ADSS2: variants seen among roughly 807,000 people sequenced by gnomAD.
ADSS2 encodes the protein adenylosuccinate synthetase isozyme 2.
ADSS2 carries 30 observed loss-of-function variants against 60.0 expected under a neutral mutation model. The observed-to-expected ratio is 0.50, with a 90% CI of 0.37 to 0.68. The LOEUF (loss-of-function observed/expected upper bound fraction) is 0.68. Among genes scored for constraint, ADSS2 ranks in the 30% least tolerant of loss-of-function variants. ADSS2 has a pLI of 0.00. For synonymous variants in ADSS2, 187 were observed against 193.1 expected, an observed-to-expected ratio of 0.97 and a Z score of 0.26; for missense variants, 373 against 554.8, an observed-to-expected ratio of 0.67 and a Z score of 3.29.
At chr1:244,418,613 G>A (rs553241748) in intron 9 of ADSS2, 147 bp downstream of exon 9, 25 of 817,228 alleles carry the variant, frequency 3.1e-5, no homozygotes, top group African/African-American at 9.0e-5. Context: ...GGGCCACCAC[G>A]TCCAGCCAAA....
At chr1:244,426,818 C>CA (rs1664816522) in intron 4 of ADSS2, among the ~76,000 whole-genome samples, 1 of 152,070 alleles carries the variant, frequency 6.6e-6, no homozygotes, top group African/African-American at 2.4e-5. Context: ...TTGCCTAGCT[C>CA]CTTTCTCTGA....
chr1:244,445,193 C>T (rs1449352770), intron 1 of ADSS2, among the ~76,000 whole-genome samples: 1 of 152,216 alleles, frequency 6.6e-6, no homozygotes, highest in Non-Finnish European at 1.5e-5. Flanking sequence ...CCTGCTCTTC[C>T]TTTAAACAAA....
chr1:244,421,506 G>C (rs1048038753), intron 7 of ADSS2, among the ~76,000 whole-genome samples: 1 of 152,030 alleles, frequency 6.6e-6, no homozygotes, highest in Admixed American at 6.6e-5. Flanking sequence ...CACGTTCTTT[G>C]TTCCTTAAAA....
intron 10 of ADSS2, among the ~76,000 whole-genome samples, chr1:244,417,104 T>C (rs541512167): frequency 3.3e-5 from 5 of 152,346 alleles, no homozygotes; most frequent in Admixed American, 1.3e-4. Context: ...CAGTGTGCTA[T>C]AGGCTCTCAC....
At position 244,409,559 on chromosome 1, in the gene ADSS2, G is replaced by A. The variant is rs768237912; in HGVS notation, c.*27C>T. The A allele has an allele frequency of 1.3e-6, 2 of 1,563,822 alleles. No homozygotes were observed. Among genetic ancestry groups the A allele is most frequent in the South Asian group, 1.1e-5 (1 of 89,204 alleles). ...AAAGTCTTTTCCCCTCCCTCTCAAGGAGTGTTTCTTGCATTACTGGCAATC... is the reference window on the plus strand; with the variant it reads ...AAAGTCTTTTCCCCTCCCTCTCAAGAAGTGTTTCTTGCATTACTGGCAATC... On this transcript the variant is annotated 3_prime_UTR_variant, in exon 13 of 13. Coordinates refer to ENST00000366535, the MANE Select transcript of ADSS2 (RefSeq NM_001126.5).
intron 1 of ADSS2, 125 bp from the exon 2 acceptor site, chr1:244,437,893 CCTCTA>C (rs1204827657): frequency 7.0e-6 from 5 of 717,230 alleles, no homozygotes; most frequent in African/African-American, 5.3e-5. Context: ...ATATTTACCA[CCTCTA>C]CTCATTTGTA....
rs773878391 is a variant in ADSS2, at chr1:244,422,844, T to C, written c.654A>G (p.Gln218=). Residue 218 remains glutamine (Q), a synonymous_variant, in exon 7 of 13, where the codon CAA becomes CAG. Transcript: ENST00000366535. ...TLEIDIEGEL[Q]KLKGYMEKIK... is the part of the protein sequence containing the mutation. ...TGCCAGAAAGCATTACCTTGAGTTT[T>C]TGTAATTCACCTTCAATGTCTATTT... is the stretch of plus-strand genomic sequence containing the variant. 25 of 1,592,540 alleles carry C rather than the reference T, an allele frequency of 1.6e-5. No homozygotes were observed. Among genetic ancestry groups the C allele is most frequent in the Non-Finnish European group, 2.0e-5 (23 of 1,161,218 alleles).
At chr1:244,440,034 G>T (rs977306368) in intron 1 of ADSS2, among the ~76,000 whole-genome samples, 5 of 152,200 alleles carry the variant, frequency 3.3e-5, no homozygotes, top group Non-Finnish European at 7.3e-5. Flanking sequence ...TGGGGAAGGG[G>T]TGGTATCAGC....
At chr1:244,436,732 A>T in intron 3 of ADSS2, 93 bp downstream of exon 3, 1 of 1,103,064 alleles carries the variant, frequency 9.1e-7, no homozygotes, top group Non-Finnish European at 1.3e-6. Flanking sequence ...GAAATTTTAA[A>T]GCATAAGACA....
At chr1:244,425,508 T>TG (rs1197921762) in intron 4 of ADSS2, among the ~76,000 whole-genome samples, 1 of 152,212 alleles carries the variant, frequency 6.6e-6, no homozygotes, top group Non-Finnish European at 1.5e-5. Context: ...ATTAGAAGAC[T>TG]GATACTGAAG....
At chr1:244,426,194 T>C (rs1664799883) in intron 4 of ADSS2, among the ~76,000 whole-genome samples, 1 of 152,180 alleles carries the variant, frequency 6.6e-6, no homozygotes, top group African/African-American at 2.4e-5. Context: ...ATGACAAGAC[T>C]GAGATCTTAG....
rs185752322 is a variant in ADSS2, at chr1:244,412,641, G to A, written c.1169-1205C>T. 2.6e-3 allele frequency among the ~76,000 whole-genome samples: 393 copies of A among 152,278 alleles called. 7 individuals carry two copies. The highest frequency in any genetic ancestry group is 3.6e-3 in the Non-Finnish European group (248 of 68,012). ...ATTCCATCTCCTACAGCAGAGAGCA[G>A]AAAAAGACAATGATTAAGATGAGAA... On this transcript the variant is annotated intron_variant, in intron 11 of 12. Coordinates refer to ENST00000366535, the MANE Select transcript of ADSS2 (RefSeq NM_001126.5).
chr1:244,435,194 A>AAAACAAAC (rs1348177073), intron 3 of ADSS2, among the ~76,000 whole-genome samples: 2 of 127,850 alleles, frequency 1.6e-5, no homozygotes, highest in African/African-American at 6.4e-5. Context: ...AAAAAAAAAA[A>AAAACAAAC]AAACAAACCT....
chr1:244,415,351 T>C (rs183311523), intron 11 of ADSS2, among the ~76,000 whole-genome samples: 110 of 152,358 alleles, frequency 7.2e-4, no homozygotes, highest in African/African-American at 2.5e-3. Context: ...AGACTCCCTC[T>C]ATACTTACAT....
chr1:244,450,922 G>A (rs1038831282), intron 1 of ADSS2, among the ~76,000 whole-genome samples: 5 of 152,282 alleles, frequency 3.3e-5, no homozygotes, highest in Non-Finnish European at 1.5e-5. Context: ...TTTGAACAGA[G>A]AAGGGATTCC....
At chr1:244,442,424 T>G (rs765211303) in intron 1 of ADSS2, among the ~76,000 whole-genome samples, 4 of 152,230 alleles carry the variant, frequency 2.6e-5, no homozygotes, top group African/African-American at 4.8e-5. Context: ...ATTCAAATAT[T>G]AGTTATTGAA....
chr1:244,451,090 G>A lies in ADSS2; in HGVS notation c.183+545C>T, dbSNP rs1033824507. On this transcript the variant is annotated intron_variant, in intron 1 of 12. Transcript: ENST00000366535. The surrounding 1 kb of genome is among the most constrained non-coding windows in gnomAD (Gnocchi z 6.6). ...TGGATGTCAACAAAGTGGACCAGAG[G>A]AAGCAAAGCACTGCATGCCACGGTC... Among the ~76,000 whole-genome samples, 1 of 152,212 alleles carries A rather than the reference G, an allele frequency of 6.6e-6. No homozygotes were observed. The highest frequency in any genetic ancestry group is 2.4e-5 in the African/African-American group (1 of 41,458).
chr1:244,443,291 A>AACT (rs1665294619), intron 1 of ADSS2, among the ~76,000 whole-genome samples: 1 of 152,242 alleles, frequency 6.6e-6, no homozygotes, highest in South Asian at 2.1e-4. Flanking sequence ...CAGTTACACT[A>AACT]ACTACCTCCT....
intron 3 of ADSS2, among the ~76,000 whole-genome samples, chr1:244,436,564 G>T (rs1665106795): frequency 6.6e-6 from 1 of 152,122 alleles, no homozygotes; most frequent in African/African-American, 2.4e-5. Flanking sequence ...CCCACATATT[G>T]TAATTCTAGC....
Sources: allele counts gnomAD v4.1 joint callset (sites outside exome capture counted in the v4.1 genomes callset), GRCh38; gene constraint gnomAD v4.1.1; non-coding constraint Gnocchi (gnomAD v3.1); transcripts MANE v1.5; gene names NCBI Gene and HGNC (gene_info 2026-07-23, HGNC 2026-07-21).